The following TG variants were observed in gnomAD, a reference collection of about 807,000 sequenced individuals.
TG encodes thyroid hormones.
Under a neutral mutation model 324.7 loss-of-function variants are expected in TG, and 270 were observed. The ratio of observed to expected loss-of-function variants is 0.83; its 90% CI spans 0.75 to 0.92. The LOEUF (loss-of-function observed/expected upper bound fraction) is 0.92, where lower values mean the gene tolerates loss of function less well. Among genes scored for constraint, TG ranks in the 40% least tolerant of loss-of-function variants. The pLI is 0.00. For missense variants in TG, 3,591 were observed against 3,456.4 expected (o/e 1.04, Z -0.98); for synonymous variants, 1,401 against 1,327.0 (o/e 1.06, Z -1.21).
At position 133,052,496 on chromosome 8, in the gene TG, C is replaced by G. The variant is rs553891901; in HGVS notation, c.7239+22473C>G. Among the ~76,000 whole-genome samples, 8 of 152,280 alleles carry G rather than the reference C, an allele frequency of 5.3e-5. No homozygotes were observed. In the East Asian group the frequency reaches 1.4e-3, roughly 26 times the overall value. On this transcript the variant is annotated intron_variant, in intron 41 of 47. Coordinates refer to ENST00000220616, the MANE Select transcript of TG (RefSeq NM_003235.5). ...AGGGCTGGCCCAGCCAGACCTCTGACCTGTCCTGCTGCAGACCTTCCCCAA... is the reference window on the plus strand; with the variant it reads ...AGGGCTGGCCCAGCCAGACCTCTGAGCTGTCCTGCTGCAGACCTTCCCCAA...
At chr8:133,023,986 G>A (rs1055389859) in intron 40 of TG, among the ~76,000 whole-genome samples, 1 of 152,218 alleles carries the variant, frequency 6.6e-6, no homozygotes, top group African/African-American at 2.4e-5. Flanking sequence ...CAGCAAGAGA[G>A]AAGGAAAGTT....
intron 14 of TG, 101 bp from the exon 15 acceptor site, chr8:132,900,136 C>A: frequency 2.1e-6 from 2 of 949,640 alleles, no homozygotes; most frequent in East Asian, 2.6e-5. Context: ...GAAGCCATCA[C>A]CTGTTGTTTT....
intron 44 of TG, 117 bp downstream of exon 44, chr8:133,113,720 T>G: frequency 8.5e-6 from 10 of 1,170,190 alleles, no homozygotes; most frequent in Non-Finnish European, 1.2e-5. Context: ...TGAGGTTTCC[T>G]CTGCATCATT....
intron 41 of TG, among the ~76,000 whole-genome samples, chr8:133,054,547 T>C (rs1043021148): frequency 1.3e-5 from 2 of 152,226 alleles, no homozygotes; most frequent in Non-Finnish European, 2.9e-5. Flanking sequence ...AGGGCCTGCC[T>C]TAGTAAGTGG....
At position 133,113,417 on chromosome 8, in the gene TG, T is replaced by A; in HGVS notation, c.7573-5T>A. On this transcript the variant is annotated splice_region_variant and splice_polypyrimidine_tract_variant and intron_variant, in intron 43 of 47. Transcript: ENST00000220616. ...GAGGAATTTCGTATCTTTTTTTTTT[T>A]CTAGCAATTTGAGGAAAGTCGAGGC... is the stretch of plus-strand genomic sequence containing the variant. 6.2e-7 allele frequency: 1 copy of A among 1,614,026 alleles called. No individual in the cohort carries two copies. Among genetic ancestry groups the A allele is most frequent in the Non-Finnish European group, 8.5e-7 (1 of 1,179,986 alleles).
At chr8:132,932,125 G>GT (rs1554672023) in intron 23 of TG, among the ~76,000 whole-genome samples, 1 of 119,712 alleles carries the variant, frequency 8.4e-6, no homozygotes, top group Non-Finnish European at 1.8e-5. Context: ...TTATTTTTTT[G>GT]GGGGGGGTGT....
chr8:132,893,327 CTG>C (rs1453403266), intron 10 of TG, among the ~76,000 whole-genome samples: 1 of 100,472 alleles, frequency 1.0e-5, no homozygotes, highest in Admixed American at 1.2e-4. Context: ...TATGTGCATA[CTG>C]TGTGTATGGT....
intron 41 of TG, chr8:133,060,452 C>T: frequency 1.6e-6 from 2 of 1,270,202 alleles, no homozygotes; most frequent in Non-Finnish European, 2.1e-6. Flanking sequence ...GCAAAAGTTT[C>T]CATTCCTCCG....
At chr8:132,919,223 A>G (rs753110916) in intron 20 of TG, among the ~76,000 whole-genome samples, 153 bp from the exon 21 acceptor site, 9 of 152,158 alleles carry the variant, frequency 5.9e-5, no homozygotes, top group African/African-American at 4.8e-5. Flanking sequence ...CCTGCTTCTT[A>G]GAGTCTGACA....
chr8:132,935,769 T>A lies in TG; in HGVS notation c.4946T>A (p.Leu1649Gln). The A allele has an allele frequency of 6.2e-7, 1 of 1,612,880 alleles. No homozygotes were observed. The highest frequency in any genetic ancestry group is 8.5e-7 in the Non-Finnish European group (1 of 1,179,932). The change falls in exon 25 of 48, where the codon CTG (leucine) becomes CAG (glutamine). Residue 1649 changes from leucine (L) to glutamine (Q), a missense_variant. By Grantham distance (113) the Leu-to-Gln change is moderately radical. Transcript: ENST00000220616. ...CMTSDQKRDA[L>Q]GNSKATSFGS... ...TTCCATCTCCAGAAACGAGATGCAC[T>A]GGGGAACTCAAAGGCCACCAGCTTT...
chr8:132,923,285 CAG>C lies in TG; in HGVS notation c.4529-52_4529-51del, dbSNP rs1821361428. The C allele has an allele frequency of 6.3e-6, 10 of 1,599,680 alleles. 1 individual carries two copies. The East Asian group carries it at 6.7e-5, about 11-fold the overall frequency. On this transcript the variant is annotated intron_variant, in intron 21 of 47. Transcript: ENST00000220616. Reference sequence around the variant, plus strand: ...TGACCGAGAGCCTGGGAGTAGGAGTCAGGGGATTCCAGAGGCCCATTATTGAC... The same window carrying C: ...TGACCGAGAGCCTGGGAGTAGGAGTCGGGATTCCAGAGGCCCATTATTGAC...
At chr8:132,928,063 G>A (rs988271798) in intron 22 of TG, among the ~76,000 whole-genome samples, 10 of 152,020 alleles carry the variant, frequency 6.6e-5, no homozygotes, top group Non-Finnish European at 1.0e-4. Context: ...GAGCCACCGC[G>A]CCTGGCCGAG....
At position 133,100,200 on chromosome 8, in the gene TG, A is replaced by G. The variant is rs183767995; in HGVS notation, c.7572+3827A>G. 2.0e-4 allele frequency among the ~76,000 whole-genome samples: 30 copies of G among 152,258 alleles called. No individual in the cohort carries two copies. The East Asian group carries it at 2.7e-3, about 14-fold the overall frequency. ...GGTACTTGCTGTTTTTTCTTCTGGAATGTTCTTCCCAGACAACTCACTGCC... is the reference window on the plus strand; with the variant it reads ...GGTACTTGCTGTTTTTTCTTCTGGAGTGTTCTTCCCAGACAACTCACTGCC... On this transcript the variant is annotated intron_variant, in intron 43 of 47. Coordinates refer to ENST00000220616, the MANE Select transcript of TG (RefSeq NM_003235.5).
intron 41 of TG, among the ~76,000 whole-genome samples, chr8:133,078,479 A>C (rs1015726934): frequency 6.6e-6 from 1 of 152,208 alleles, no homozygotes; most frequent in African/African-American, 2.4e-5. Context: ...ACTGTTCCTC[A>C]GTGATTCACA....
Position 132,949,980 on chromosome 8 carries a change from C to T in TG, c.5401+1037C>T, listed in dbSNP as rs144640832. ...GGAAAGACAGGACCAGCACCACCAGCACCACCATCACTGGAAGCTGGTTAG... is the reference window on the plus strand; with the variant it reads ...GGAAAGACAGGACCAGCACCACCAGTACCACCATCACTGGAAGCTGGTTAG... On this transcript the variant is annotated intron_variant, in intron 27 of 47. Transcript: ENST00000220616. 2.5e-3 allele frequency among the ~76,000 whole-genome samples: 380 copies of T among 152,340 alleles called. 3 individuals are homozygous for T. The highest frequency in any genetic ancestry group is 8.8e-3 in the African/African-American group (367 of 41,584).
At chr8:133,060,159 A>G (rs1587936440) in intron 41 of TG, 1 of 1,612,224 alleles carries the variant, frequency 6.2e-7, no homozygotes, top group African/African-American at 1.3e-5. Flanking sequence ...GCTGTTTCCC[A>G]TTTCTTTCTT....
chr8:132,869,584 C>T (rs1839285376), intron 2 of TG, 145 bp from the exon 3 acceptor site: 1 of 728,558 alleles, frequency 1.4e-6, no homozygotes, highest in African/African-American at 1.7e-5. Flanking sequence ...AGGTCAGCCA[C>T]CCTTCTCCAC....
intron 32 of TG, among the ~76,000 whole-genome samples, chr8:132,971,019 C>T (rs912106872): frequency 6.6e-6 from 1 of 152,102 alleles, no homozygotes. Context: ...ATCCCCTCAC[C>T]AAGAAGGGGC....
intron 41 of TG, among the ~76,000 whole-genome samples, chr8:133,056,282 T>G (rs1431359654): frequency 6.6e-6 from 1 of 152,222 alleles, no homozygotes; most frequent in East Asian, 1.9e-4. Context: ...AAAAGTTGAA[T>G]GATCAAGTTC....
Sources: gnomAD v4.1 joint callset for allele counts (sites outside exome capture counted in the v4.1 genomes callset) on GRCh38, gnomAD v4.1.1 for gene constraint, MANE v1.5 for transcripts, NCBI Gene and HGNC (gene_info 2026-07-23, HGNC 2026-07-21) for gene names.